EXD3: variants seen among roughly 807,000 people sequenced by gnomAD.
EXD3 encodes exonuclease mut-7 homolog.
In EXD3, 92 loss-of-function variants were observed where a neutral mutation model predicts 98.0. The ratio of observed to expected loss-of-function variants is 0.94; its 90% CI spans 0.79 to 1.12. EXD3 has a LOEUF of 1.12. Among genes scored for constraint, EXD3 ranks in the 50% most tolerant of loss-of-function variants. The probability of loss-of-function intolerance (pLI) is 0.00; values close to 1 mark genes in which losing one functional copy is unlikely to be tolerated. For synonymous variants in EXD3, 569 were observed against 526.0 expected (o/e 1.08, Z -1.12); for missense variants, 1,222 against 1,191.6 (o/e 1.03, Z -0.38).
rs566021208 is a variant in EXD3 at position 137,395,899 on chromosome 9, G to A, written c.-47-495C>T. ...CAGCTCCGTAAGACTCCAGGCGGCC[G>A]CTGACAGCTCTCATCCCAGGCAGAC... On this transcript the variant is annotated intron_variant, in intron 1 of 21. Coordinates refer to ENST00000340951, the MANE Select transcript of EXD3 (RefSeq NM_017820.5). This position sits in a 1 kb window ranked among gnomAD's most constrained non-coding sequence, Gnocchi z 6.5. Among the ~76,000 whole-genome samples the A allele has an allele frequency of 2.2e-4, 33 of 152,136 alleles. No individual in the cohort carries two copies. The highest frequency in any genetic ancestry group is 8.3e-4 in the South Asian group (4 of 4,816).
At chr9:137,411,724 TG>T (rs1352481311) in intron 1 of EXD3, among the ~76,000 whole-genome samples, 3 of 50,666 alleles carry the variant, frequency 5.9e-5, no homozygotes, top group Non-Finnish European at 1.2e-4. Flanking sequence ...GGGGGATGGG[TG>T]GGGGAGGGGG....
chr9:137,355,670 AGGGAGGATGGAGGAAGGAGAAAG>A (rs1834709229), intron 8 of EXD3, among the ~76,000 whole-genome samples: 7 of 21,440 alleles, frequency 3.3e-4, no homozygotes, highest in Non-Finnish European at 8.3e-4. Context: ...GGAAGGAGAA[AGGGAGGATGGAGGAAGGAGAAAG>A]GGAGGAAGGA....
chr9:137,401,774 C>T (rs901344862), intron 1 of EXD3, among the ~76,000 whole-genome samples: 11 of 152,214 alleles, frequency 7.2e-5, no homozygotes, highest in African/African-American at 2.4e-4. Flanking sequence ...GCCCAGCCCA[C>T]AAAACCACTT....
intron 1 of EXD3, among the ~76,000 whole-genome samples, chr9:137,422,761 G>T (rs1028612717): frequency 1.3e-5 from 2 of 152,114 alleles, no homozygotes; most frequent in Admixed American, 1.3e-4. Context: ...CGTCCCACCG[G>T]GAGCGCCTCC....
Position 137,373,455 on chromosome 9 carries a change from G to C in EXD3, c.265C>G (p.Gln89Glu), listed in dbSNP as rs373202434. The C allele has an allele frequency of 4.0e-4, 645 of 1,609,040 alleles. 1 individual carries two copies. The highest frequency in any genetic ancestry group is 5.2e-4 in the Non-Finnish European group (615 of 1,179,178). Residue 89 changes from glutamine (Q) to glutamate (E), a missense_variant, in exon 4 of 22, where the codon CAG becomes GAG. Coordinates refer to ENST00000340951, the MANE Select transcript of EXD3 (RefSeq NM_017820.5). Reference sequence around the variant, plus strand: ...GCCAGGCTCGGGCATGGCTGTGCCTGTAGCCAGCACTGCAGCTGGTGGGAG... The same window carrying C: ...GCCAGGCTCGGGCATGGCTGTGCCTCTAGCCAGCACTGCAGCTGGTGGGAG... ...WISHQLQCWL[Q>E]AQPCPSLAQH...
intron 17 of EXD3, among the ~76,000 whole-genome samples, chr9:137,344,623 T>A (rs917163331): frequency 5.9e-5 from 9 of 152,188 alleles, no homozygotes; most frequent in African/African-American, 1.9e-4. Flanking sequence ...CTTTTGGGAA[T>A]GATCACTTAT....
intron 1 of EXD3, among the ~76,000 whole-genome samples, chr9:137,408,548 A>AAAAAAAAAAAAAAAAAAAC (rs1837848454): frequency 7.0e-6 from 1 of 142,378 alleles, no homozygotes; most frequent in Admixed American, 7.0e-5. Context: ...CTCTGCCTCA[A>AAAAAAAAAAAAAAAAAAAC]AAAAAAAAAA....
At chr9:137,362,325 C>G (rs1227544807) in intron 7 of EXD3, among the ~76,000 whole-genome samples, 2 of 152,070 alleles carry the variant, frequency 1.3e-5, no homozygotes, top group Admixed American at 1.3e-4. Flanking sequence ...CAAGTGCAGT[C>G]CATCCCAAAA....
rs1837566839 is a variant in EXD3, at chr9:137,403,421, CCCAGCAGCAGCAGCAG to C, written c.-47-8033_-47-8018del. The stretch of plus-strand genomic sequence containing the variant: ...CCTCTGTAGCCCTCCCCACCCCCAG[CCCAGCAGCAGCAGCAG>C]CCAGCACACCCTGGCCCAGGGTCTC... On this transcript the variant is annotated intron_variant, in intron 1 of 21. Coordinates refer to ENST00000340951, the MANE Select transcript of EXD3 (RefSeq NM_017820.5). This position sits in a 1 kb window ranked among gnomAD's most constrained non-coding sequence, Gnocchi z 6.1. Among the ~76,000 whole-genome samples, 1 of 40,160 alleles carries C rather than the reference CCCAGCAGCAGCAGCAG, an allele frequency of 2.5e-5. No homozygotes were observed. The allele number at this position is 40,160 out of a possible 152,430, so 26.3% of individuals were successfully genotyped here. A position where few individuals can be genotyped will look rare whatever the true frequency, so the allele number is the denominator to read the frequency against.
intron 8 of EXD3, among the ~76,000 whole-genome samples, chr9:137,355,223 C>G (rs73581571): frequency 0.09 from 13,703 of 152,060 alleles, 760 homozygotes; most frequent in African/African-American, 0.16. Context: ...CACCTCCATA[C>G]TCCACTCCAG....
intron 17 of EXD3, among the ~76,000 whole-genome samples, chr9:137,325,980 C>T (rs1048787424): frequency 4.0e-5 from 6 of 151,128 alleles, no homozygotes; most frequent in East Asian, 2.0e-4. Context: ...CTTAGGAAGT[C>T]GACGTGGGAT....
intron 19 of EXD3, among the ~76,000 whole-genome samples, chr9:137,314,264 C>T (rs1371442381): frequency 1.3e-5 from 2 of 152,214 alleles, no homozygotes; most frequent in African/African-American, 4.8e-5. Context: ...GGCTGCCCGC[C>T]CCAAAGGTGA....
chr9:137,309,339 C>A (rs1457583208), intron 20 of EXD3, among the ~76,000 whole-genome samples: 1 of 152,130 alleles, frequency 6.6e-6, no homozygotes, highest in Non-Finnish European at 1.5e-5. Flanking sequence ...GCACACCACT[C>A]CAGAGGGTCG....
intron 3 of EXD3, among the ~76,000 whole-genome samples, chr9:137,379,796 C>T (rs996147766): frequency 7.9e-5 from 12 of 151,944 alleles, no homozygotes; most frequent in South Asian, 2.1e-4. Flanking sequence ...CTGCAGCACC[C>T]GTTCTAACCA....
chr9:137,351,098 G>T lies in EXD3; in HGVS notation c.1434C>A (p.Ala478=). The T allele has an allele frequency of 6.3e-7, 1 of 1,584,504 alleles. No individual in the cohort carries two copies. Among genetic ancestry groups the T allele is most frequent in the East Asian group, 2.3e-5 (1 of 43,266 alleles). The change falls in exon 14 of 22, where the codon GCC becomes GCA. Residue 478 remains alanine, a synonymous_variant. Transcript: ENST00000340951. ...DLQKLGTSCP[A]LAHVEKQILG... ...GAATCTGCTTCTCCACATGGGCCAG[G>T]GCGGGGCAGGACGTGCCCAGTTTTT...
chr9:137,388,320 C>T (rs140790576), intron 2 of EXD3, among the ~76,000 whole-genome samples: 6 of 152,092 alleles, frequency 3.9e-5, no homozygotes, highest in Admixed American at 6.5e-5. Flanking sequence ...GTCCCCAGGA[C>T]GGCTCCCCAG....
At chr9:137,363,335 CTTTTTTTT>C (rs71387828) in intron 7 of EXD3, among the ~76,000 whole-genome samples, 1 of 81,192 alleles carries the variant, frequency 1.2e-5, no homozygotes, top group African/African-American at 5.3e-5. Context: ...GTGCAATTTC[CTTTTTTTT>C]TTTTTTTTTT....
At chr9:137,355,445 GA>G (rs1834597386) in intron 8 of EXD3, among the ~76,000 whole-genome samples, 1 of 39,508 alleles carries the variant, frequency 2.5e-5, no homozygotes, top group Admixed American at 2.6e-4. Context: ...TGGAGGAAGG[GA>G]GGATGGAGGA....
At chr9:137,372,721 G>A (rs1588373557) in intron 5 of EXD3, among the ~76,000 whole-genome samples, 184 bp downstream of exon 5, 1 of 152,324 alleles carries the variant, frequency 6.6e-6, no homozygotes, top group African/African-American at 2.4e-5. Flanking sequence ...GGCAGCCTGA[G>A]GGCTCCTGGG....
Sources: allele counts gnomAD v4.1 joint callset (sites outside exome capture counted in the v4.1 genomes callset), GRCh38; gene constraint gnomAD v4.1.1; non-coding constraint Gnocchi (gnomAD v3.1); transcripts MANE v1.5; gene names NCBI Gene and HGNC (gene_info 2026-07-23, HGNC 2026-07-21).